The following HEPHL1 variants were observed in gnomAD, a reference collection of about 807,000 sequenced individuals.
The protein encoded by HEPHL1 is ferroxidase HEPHL1.
A neutral mutation model predicts 122.0 loss-of-function variants in HEPHL1; 123 were observed. That is an observed-to-expected ratio of 1.01 (90% CI 0.87 to 1.17). The LOEUF is 1.17. Among genes scored for constraint, HEPHL1 ranks in the 50% most tolerant of loss-of-function variants. The pLI, the probability that HEPHL1 is intolerant of heterozygous loss-of-function variation, is 0.00. For synonymous variants in HEPHL1, 527 were observed against 508.9 expected (o/e 1.04, Z -0.48); for missense variants, 1,452 against 1,430.5 (o/e 1.01, Z -0.24).
rs181155884 is a variant in HEPHL1, at chr11:94,070,550, C to T, written c.1232+8C>T. 68 of 1,603,304 alleles carry T rather than the reference C, an allele frequency of 4.2e-5. No individual in the cohort carries two copies. In the East Asian group the frequency reaches 7.4e-4, roughly 17 times the overall value. On this transcript the variant is annotated splice_region_variant and intron_variant, in intron 6 of 19. Transcript: ENST00000315765. The stretch of plus-strand genomic sequence containing the variant: ...TCTAAACGCCTCTGGCAGGTAAGCA[C>T]CCTTTGTTGGTGTTTCTAAGCCTCT...
At chr11:94,039,251 G>A (rs903506260) in intron 1 of HEPHL1, among the ~76,000 whole-genome samples, 5 of 145,182 alleles carry the variant, frequency 3.4e-5, no homozygotes, top group African/African-American at 1.3e-4. Context: ...AAGAGACTTA[G>A]ACTCCCACAC....
At chr11:94,029,538 C>A (rs920657686) in intron 1 of HEPHL1, among the ~76,000 whole-genome samples, 2 of 152,182 alleles carry the variant, frequency 1.3e-5, no homozygotes, top group South Asian at 4.1e-4. Flanking sequence ...ATACAGATAC[C>A]ATGGTCTTGC....
intron 10 of HEPHL1, among the ~76,000 whole-genome samples, chr11:94,083,901 T>A (rs753922091): frequency 9.2e-5 from 14 of 152,212 alleles, no homozygotes; most frequent in Non-Finnish European, 1.8e-4. Context: ...GTGGAGAAAC[T>A]AAATTGTAAA....
In HEPHL1 at chr11:94,088,967, A is replaced by G; in HGVS notation, c.2293A>G (p.Arg765Gly). The change falls in exon 12 of 20, where the codon AGA becomes GGA. Residue 765 changes from arginine to glycine, a missense_variant and splice_region_variant. Transcript: ENST00000315765. ...GCAGCACGTGGACGCAAGAGGGGAAAGGTACCACAGGCGCCGCCGCTAGGG... is the reference window on the plus strand; with the variant it reads ...GCAGCACGTGGACGCAAGAGGGGAAGGGTACCACAGGCGCCGCCGCTAGGG... The part of the protein sequence containing the change: ...EKQHVDARGE[R>G]HGDIFMNRTE... The G allele has an allele frequency of 1.2e-6, 2 of 1,613,890 alleles. No individual in the cohort carries two copies. The highest frequency in any genetic ancestry group is 1.7e-6 in the Non-Finnish European group (2 of 1,179,778).
In HEPHL1 at chr11:94,075,255, C is replaced by A. The variant is rs1289542237; in HGVS notation, c.1586C>A (p.Thr529Asn). ...KWTVPESVSP[T>N]AGDPPCLTYL... ...ACAGTGCCTGAGAGCGTAAGCCCAACTGCTGGTGATCCTCCCTGTCTGACC... is the reference window on the plus strand; with the variant it reads ...ACAGTGCCTGAGAGCGTAAGCCCAAATGCTGGTGATCCTCCCTGTCTGACC... Residue 529 changes from threonine (T) to asparagine (N), a missense_variant, in exon 9 of 20, where the codon ACT becomes AAT. Coordinates refer to ENST00000315765, the MANE Select transcript of HEPHL1 (RefSeq NM_001098672.2). 6.2e-7 allele frequency: 1 copy of A among 1,613,530 alleles called. No homozygotes were observed. Among genetic ancestry groups the A allele is most frequent in the Non-Finnish European group, 8.5e-7 (1 of 1,179,648 alleles).
rs149474077 is a variant in HEPHL1, at chr11:94,086,880, A to G, written c.2080+691A>G. Among the ~76,000 whole-genome samples the G allele has an allele frequency of 6.9e-3, 1,055 of 152,292 alleles. 12 individuals carry two copies. The highest frequency in any genetic ancestry group is 0.024 in the African/African-American group (1,016 of 41,518). On this transcript the variant is annotated intron_variant, in intron 11 of 19. Coordinates refer to ENST00000315765, the MANE Select transcript of HEPHL1 (RefSeq NM_001098672.2). ...ATGAAAAGTGAGGAGAACAAGCCCT[A>G]TAGACATTGAACATGTTTTTCCAAA...
intron 2 of HEPHL1, among the ~76,000 whole-genome samples, chr11:94,048,221 T>A (rs972020024): frequency 6.6e-6 from 1 of 152,212 alleles, no homozygotes; most frequent in Non-Finnish European, 1.5e-5. Flanking sequence ...ACTTTGTTTA[T>A]CCGTTCATCT....
intron 6 of HEPHL1, among the ~76,000 whole-genome samples, chr11:94,072,408 G>A (rs1946081726): frequency 6.6e-6 from 1 of 152,090 alleles, no homozygotes; most frequent in Non-Finnish European, 1.5e-5. Context: ...AATGAGTTAA[G>A]GGAATGAAGC....
chr11:94,046,999 A>T (rs1339353354), intron 2 of HEPHL1, among the ~76,000 whole-genome samples: 1 of 152,160 alleles, frequency 6.6e-6, no homozygotes, highest in Non-Finnish European at 1.5e-5. Flanking sequence ...CTTGTGAGGC[A>T]GCTGCTCCAG....
chr11:94,086,040 C>T lies in HEPHL1; in HGVS notation c.1931C>T (p.Ser644Phe). The T allele has an allele frequency of 6.2e-7, 1 of 1,613,952 alleles. No individual in the cohort carries two copies. The highest frequency in any genetic ancestry group is 8.5e-7 in the Non-Finnish European group (1 of 1,179,890). The change falls in exon 11 of 20, where the codon TCC becomes TTC. Residue 644 changes from serine (S) to phenylalanine (F), a missense_variant. Transcript: ENST00000315765. ...AACATGTGTAAAAGGGATAGAGTTT[C>T]CTGGCATCTGATTGGATTGGGCACT... ...GLNMCKRDRV[S>F]WHLIGLGTDT...
At chr11:94,060,829 G>T (rs1945981189) in intron 2 of HEPHL1, among the ~76,000 whole-genome samples, 1 of 152,102 alleles carries the variant, frequency 6.6e-6, no homozygotes, top group African/African-American at 2.4e-5. Context: ...TTTTAAACAG[G>T]GAACAATAGA....
chr11:94,059,100 T>C (rs1269261282), intron 2 of HEPHL1, among the ~76,000 whole-genome samples: 1 of 152,218 alleles, frequency 6.6e-6, no homozygotes, highest in Non-Finnish European at 1.5e-5. Context: ...TCACAGACTT[T>C]TTTCTATACA....
intron 9 of HEPHL1, among the ~76,000 whole-genome samples, chr11:94,076,410 T>C (rs921876898): frequency 2.6e-5 from 4 of 152,160 alleles, no homozygotes; most frequent in Admixed American, 6.6e-5. Context: ...TTCCAATGCA[T>C]CCTCTTGCTT....
chr11:94,095,287 C>G (rs944244941), intron 13 of HEPHL1, among the ~76,000 whole-genome samples: 1 of 152,128 alleles, frequency 6.6e-6, no homozygotes, highest in Admixed American at 6.5e-5. Context: ...TCAGGTTTGT[C>G]AAAGATCAGA....
intron 1 of HEPHL1, among the ~76,000 whole-genome samples, chr11:94,025,814 G>A (rs1565342573): frequency 1.3e-5 from 2 of 152,172 alleles, no homozygotes; most frequent in Admixed American, 1.3e-4. Context: ...CATCTGGTAA[G>A]TGCATGGTCT....
intron 13 of HEPHL1, among the ~76,000 whole-genome samples, chr11:94,096,524 T>C (rs1325761859): frequency 1.3e-5 from 2 of 152,238 alleles, no homozygotes; most frequent in East Asian, 3.9e-4. Context: ...AGGATGATGC[T>C]GGCCTCATAA....
rs111734361 is a variant in HEPHL1, at chr11:94,065,996, C to A, written c.808+1486C>A. Among the ~76,000 whole-genome samples the A allele has an allele frequency of 9.8e-3, 1,498 of 152,082 alleles. 19 individuals are homozygous for A. The highest frequency in any genetic ancestry group is 0.035 in the African/African-American group (1,433 of 41,464). On this transcript the variant is annotated intron_variant, in intron 4 of 19. Transcript: ENST00000315765. Reference sequence around the variant, plus strand: ...GCCAGAAGTTCAAAACCAGCCTGGGCAACATAGGTAGATCCGTTATCTACA... The same window carrying A: ...GCCAGAAGTTCAAAACCAGCCTGGGAAACATAGGTAGATCCGTTATCTACA...
At chr11:94,066,108 G>A (rs373681084) in intron 4 of HEPHL1, among the ~76,000 whole-genome samples, 15 of 152,316 alleles carry the variant, frequency 9.8e-5, no homozygotes, top group African/African-American at 3.1e-4. Flanking sequence ...TGAGGTCAGA[G>A]GATTGCATTA....
chr11:94,053,605 T>C (rs1945910092), intron 2 of HEPHL1, among the ~76,000 whole-genome samples: 1 of 152,168 alleles, frequency 6.6e-6, no homozygotes, highest in Non-Finnish European at 1.5e-5. Flanking sequence ...CTAAATTTCC[T>C]TTTTAAGCAT....
Sources: allele counts gnomAD v4.1 joint callset (sites outside exome capture counted in the v4.1 genomes callset), GRCh38; gene constraint gnomAD v4.1.1; transcripts MANE v1.5; gene names NCBI Gene and HGNC (gene_info 2026-07-23, HGNC 2026-07-21).